The following SCHIP1 variants were observed in gnomAD, a reference collection of about 807,000 sequenced individuals.
The protein encoded by SCHIP1 is schwannomin interacting protein 1, also known as schwannomin-interacting protein 1.
Under a neutral mutation model 29.7 loss-of-function variants are expected in SCHIP1, and 8 were observed. That is an observed-to-expected ratio of 0.27 (90% confidence interval 0.16 to 0.49). The LOEUF (loss-of-function observed/expected upper bound fraction) is 0.49, where lower values mean the gene tolerates loss of function less well. SCHIP1 is among the 20% of genes least tolerant of loss of function. The pLI is 0.99. For missense variants in SCHIP1, 193 were observed against 294.6 expected, an observed-to-expected ratio of 0.66 and a Z score of 2.52; for synonymous variants, 76 against 94.9, an observed-to-expected ratio of 0.80 and a Z score of 1.16.
chr3:159,814,108 C>A, the SCHIP1 span, among the ~76,000 whole-genome samples: 1 of 152,164 alleles, frequency 6.6e-6, no homozygotes, highest in Admixed American at 6.5e-5. Context: ...AGACCCTCTT[C>A]GGGATTGCCT....
At chr3:159,795,770 G>A in the SCHIP1 span, among the ~76,000 whole-genome samples, 4 of 152,292 alleles carry the variant, frequency 2.6e-5, no homozygotes, top group Admixed American at 1.3e-4. Context: ...AGGGAACAAC[G>A]TGTGTAAAAT....
intron 1 of SCHIP1, among the ~76,000 whole-genome samples, chr3:159,847,878 A>C (rs144131896): frequency 6.6e-6 from 1 of 152,362 alleles, no homozygotes; most frequent in East Asian, 1.9e-4. Flanking sequence ...AACCAAATTT[A>C]GATGAACTTT....
the SCHIP1 span, among the ~76,000 whole-genome samples, chr3:159,544,413 C>A: frequency 6.6e-6 from 1 of 151,902 alleles, no homozygotes; most frequent in Non-Finnish European, 1.5e-5. Flanking sequence ...GTAGGGTATG[C>A]ATATGTTCAG....
the SCHIP1 span, among the ~76,000 whole-genome samples, chr3:159,818,475 C>T: frequency 2.0e-5 from 3 of 152,220 alleles, no homozygotes; most frequent in African/African-American, 7.2e-5. Flanking sequence ...GTCATCCTCC[C>T]CAGGAAGGGG....
At chr3:159,451,478 A>C in the SCHIP1 span, among the ~76,000 whole-genome samples, 1 of 152,386 alleles carries the variant, frequency 6.6e-6, no homozygotes, top group South Asian at 2.1e-4. Context: ...AGGTTTAACT[A>C]AACAGTCAAT....
At chr3:159,461,756 T>G in the SCHIP1 span, among the ~76,000 whole-genome samples, 1 of 151,994 alleles carries the variant, frequency 6.6e-6, no homozygotes, top group Admixed American at 6.6e-5. Flanking sequence ...GTCCTTTTAC[T>G]TTTTGCTTTA....
At chr3:159,486,016 T>C in the SCHIP1 span, among the ~76,000 whole-genome samples, 2 of 152,206 alleles carry the variant, frequency 1.3e-5, no homozygotes, top group African/African-American at 2.4e-5. Flanking sequence ...ATGACTTTTG[T>C]TTGAATTTTT....
chr3:159,798,596 A>G, the SCHIP1 span, among the ~76,000 whole-genome samples: 1 of 152,052 alleles, frequency 6.6e-6, no homozygotes, highest in Non-Finnish European at 1.5e-5. Flanking sequence ...TGTCTCTACT[A>G]AAAATGCAAA....
the SCHIP1 span, chr3:159,764,265 G>T: frequency 1.6e-6 from 1 of 609,662 alleles, no homozygotes; most frequent in Non-Finnish European, 2.7e-6. This position sits in a 1 kb window ranked among gnomAD's most constrained non-coding sequence, Gnocchi z 6.1. Flanking sequence ...GAGAGGAAAG[G>T]CGGGCAGGAG....
chr3:159,588,804 G>T, the SCHIP1 span, among the ~76,000 whole-genome samples: 1 of 152,136 alleles, frequency 6.6e-6, no homozygotes. Context: ...TGAGGGCTCT[G>T]TTCTGTTCCA....
At chr3:159,391,251 T>G in the SCHIP1 span, among the ~76,000 whole-genome samples, 2,481 of 152,312 alleles carry the variant, frequency 0.016, 56 homozygotes, top group African/African-American at 0.056. Flanking sequence ...TCAATCATTT[T>G]GATAGCAATC....
At chr3:159,397,143 A>G in the SCHIP1 span, among the ~76,000 whole-genome samples, 1 of 151,236 alleles carries the variant, frequency 6.6e-6, no homozygotes, top group Non-Finnish European at 1.5e-5. Flanking sequence ...TTCTTCACGT[A>G]GTTCTCGAGC....
At chr3:159,575,974 T>C in the SCHIP1 span, among the ~76,000 whole-genome samples, 1 of 152,196 alleles carries the variant, frequency 6.6e-6, no homozygotes, top group Non-Finnish European at 1.5e-5. Flanking sequence ...CTTTCTCATA[T>C]TTCAATGTGT....
the SCHIP1 span, among the ~76,000 whole-genome samples, chr3:159,828,865 G>A: frequency 1.8e-4 from 28 of 152,278 alleles, no homozygotes; most frequent in African/African-American, 6.5e-4. Flanking sequence ...ACACATACAC[G>A]CATGCACACA....
the SCHIP1 span, among the ~76,000 whole-genome samples, chr3:159,466,483 G>T: frequency 6.6e-6 from 1 of 152,068 alleles, no homozygotes; most frequent in Non-Finnish European, 1.5e-5. Context: ...CTAAAGGTCT[G>T]GAAAGCCCTG....
At chr3:159,812,778 C>A in the SCHIP1 span, among the ~76,000 whole-genome samples, 1 of 152,066 alleles carries the variant, frequency 6.6e-6, no homozygotes, top group African/African-American at 2.4e-5. Context: ...AGTTCATTTT[C>A]TGTTGCCATA....
intron 1 of SCHIP1, among the ~76,000 whole-genome samples, chr3:159,856,730 T>G (rs542794600): frequency 3.7e-4 from 56 of 152,276 alleles, no homozygotes; most frequent in African/African-American, 1.3e-3. Flanking sequence ...CATCCAATTA[T>G]GGTGAAAGAT....
the SCHIP1 span, among the ~76,000 whole-genome samples, chr3:159,481,821 G>T: frequency 6.6e-6 from 1 of 152,174 alleles, no homozygotes; most frequent in East Asian, 1.9e-4. Context: ...CATGGAAAAA[G>T]AGAATGTCTT....
At chr3:159,882,431 C>A (rs1429087746) in intron 2 of SCHIP1, among the ~76,000 whole-genome samples, 5 of 151,570 alleles carry the variant, frequency 3.3e-5, no homozygotes, top group African/African-American at 1.2e-4. Context: ...TTCCTAAAAT[C>A]AAGTAGAAAA....
Sources: gnomAD v4.1 joint callset for allele counts (sites outside exome capture counted in the v4.1 genomes callset) on GRCh38, gnomAD v4.1.1 for gene constraint, Gnocchi (gnomAD v3.1) non-coding constraint, MANE v1.5 for transcripts, NCBI Gene and HGNC (gene_info 2026-07-23, HGNC 2026-07-21) for gene names.